The following CELF1 variants were observed in gnomAD, a reference collection of about 807,000 sequenced individuals.
CELF1 encodes the protein 50 kDa nuclear polyadenylated RNA-binding protein.
A neutral mutation model predicts 61.8 loss-of-function variants in CELF1; 10 were observed. That is an observed-to-expected ratio of 0.16 (90% CI 0.10 to 0.27). The LOEUF (loss-of-function observed/expected upper bound fraction) is 0.27, where lower values mean the gene tolerates loss of function less well. CELF1 is among the 10% of genes least tolerant of loss of function. The pLI, the probability that CELF1 is intolerant of heterozygous loss-of-function variation, is 1.00. For synonymous variants in CELF1, 236 were observed against 225.1 expected, an observed-to-expected ratio of 1.05 and a Z score of -0.43; for missense variants, 380 against 639.1, an observed-to-expected ratio of 0.59 and a Z score of 4.37.
intron 3 of CELF1, among the ~76,000 whole-genome samples, chr11:47,498,335 G>T (rs1263238156): frequency 6.6e-6 from 1 of 152,092 alleles, no homozygotes; most frequent in Non-Finnish European, 1.5e-5. Context: ...AGCCCAGGAG[G>T]TTGAGGCTAC....
intron 1 of CELF1, among the ~76,000 whole-genome samples, chr11:47,541,734 G>GA (rs1203205053): frequency 1.2e-3 from 10 of 8,210 alleles, no homozygotes; most frequent in African/African-American, 3.1e-3. Context: ...AAGAACGAAA[G>GA]AAAGAACGAA....
chr11:47,553,127 G>C lies in CELF1; in HGVS notation c.-289C>G, dbSNP rs1256318712. The C allele has an allele frequency of 5.0e-6, 2 of 396,722 alleles. No individual in the cohort carries two copies. The highest frequency in any genetic ancestry group is 8.9e-6 in the Non-Finnish European group (2 of 224,872). 24.6% of individuals were successfully genotyped at this position (396,722 alleles called of 1,614,324 possible). A position where few individuals can be genotyped will look rare whatever the true frequency, so the allele number is the denominator to read the frequency against. On this transcript the variant is annotated 5_prime_UTR_variant, in exon 1 of 15. Transcript: ENST00000687097. ...CGCCGCTGCCGCTGCCGCCAGAGCA[G>C]AACACCCCAAAATGGCGGCACTTCC...
rs572472444 is a variant in CELF1, at chr11:47,518,138, G to A, written c.-153-17206C>T. 2.6e-5 allele frequency among the ~76,000 whole-genome samples: 4 copies of A among 152,256 alleles called. No homozygotes were observed. In the South Asian group the frequency reaches 6.2e-4, roughly 24 times the overall value. Reference sequence around the variant, plus strand: ...ATACTCTTTTCCAAAACAGCATTTTGGTTTTGTATTTTTTTCCTGCTTTGC... The same window carrying A: ...ATACTCTTTTCCAAAACAGCATTTTAGTTTTGTATTTTTTTCCTGCTTTGC... On this transcript the variant is annotated intron_variant, in intron 1 of 14. Transcript: ENST00000687097.
chr11:47,492,717 G>C (rs911561305), intron 3 of CELF1, among the ~76,000 whole-genome samples: 1 of 152,120 alleles, frequency 6.6e-6, no homozygotes, highest in African/African-American at 2.4e-5. Flanking sequence ...GGGTGGCAGA[G>C]TGAGATCTTG....
At chr11:47,479,174 T>A (rs531321781) in intron 9 of CELF1, among the ~76,000 whole-genome samples, 2 of 151,628 alleles carry the variant, frequency 1.3e-5, no homozygotes, top group Non-Finnish European at 2.9e-5. Context: ...GTATGTTCAC[T>A]GAATACTGAG....
At chr11:47,542,733 C>T (rs58735276) in intron 1 of CELF1, among the ~76,000 whole-genome samples, 3 of 150,846 alleles carry the variant, frequency 2.0e-5, no homozygotes, top group Non-Finnish European at 4.4e-5. Flanking sequence ...TCTGGCCTCA[C>T]GTGATCCGCG....
chr11:47,492,097 C>T (rs2091752315), intron 3 of CELF1, among the ~76,000 whole-genome samples: 1 of 152,202 alleles, frequency 6.6e-6, no homozygotes, highest in South Asian at 2.1e-4. Context: ...CCTACCTCAG[C>T]AATCCCAGTA....
chr11:47,563,847 C>T (rs2097234699), intron 2 of CELF1, among the ~76,000 whole-genome samples: 1 of 151,796 alleles, frequency 6.6e-6, no homozygotes, highest in African/African-American at 2.4e-5. Context: ...ATGGTGAAAC[C>T]CTGTCTCTAC....
chr11:47,527,582 CTTCATTGTATATACTGGCTTA>C (rs2096291516), intron 1 of CELF1, among the ~76,000 whole-genome samples: 1 of 152,082 alleles, frequency 6.6e-6, no homozygotes, highest in Non-Finnish European at 1.5e-5. Context: ...AATTAAGCCT[CTTCATTGTATATACTGGCTTA>C]TTCATTGTAT....
At chr11:47,541,946 C>T (rs1308366657) in intron 1 of CELF1, among the ~76,000 whole-genome samples, 1 of 151,940 alleles carries the variant, frequency 6.6e-6, no homozygotes, top group African/African-American at 2.4e-5. Flanking sequence ...GACATTCCCC[C>T]CCAAAACACA....
chr11:47,487,188 C>T lies in CELF1; in HGVS notation c.313G>A (p.Ala105Thr), dbSNP rs1289715080. 6.2e-7 allele frequency: 1 copy of T among 1,612,486 alleles called. No homozygotes were observed. Among genetic ancestry groups the T allele is most frequent in the African/African-American group, 1.3e-5 (1 of 75,056 alleles). Residue 105 changes from alanine (A) to threonine (T), a missense_variant, in exon 5 of 15, where the codon GCT becomes ACT. Transcript: ENST00000687097. ...GGGAGGACTTTCATGTTGTGAAGAG[C>T]ATTCTGAGCTTCTAATGCAGCTTTA... ...TRKAALEAQN[A>T]LHNMKVLPGM...
chr11:47,540,885 A>AAACAACAAC (rs138263192), intron 1 of CELF1, among the ~76,000 whole-genome samples: 2 of 151,106 alleles, frequency 1.3e-5, no homozygotes, highest in South Asian at 2.1e-4. Flanking sequence ...ACTCCATCTC[A>AAACAACAAC]AACAACAACA....
At chr11:47,504,379 C>T (rs1057459135) in intron 1 of CELF1, among the ~76,000 whole-genome samples, 3 of 150,608 alleles carry the variant, frequency 2.0e-5, no homozygotes, top group African/African-American at 7.3e-5. Flanking sequence ...TGAGCTCAGG[C>T]AAGACTAGCC....
Position 47,469,850 on chromosome 11 carries a change from C to T in CELF1, c.*2380G>A, listed in dbSNP as rs1254580569. ...AAAGGGGTTTCATAAGGTCCCAGAG[C>T]CCAGGACAAATCCATGGACAAATAA... On this transcript the variant is annotated 3_prime_UTR_variant, in exon 15 of 15. Transcript: ENST00000687097. 1.3e-5 allele frequency: 2 copies of T among 152,196 alleles called. No individual in the cohort carries two copies. Among genetic ancestry groups the T allele is most frequent in the Non-Finnish European group, 2.9e-5 (2 of 68,076 alleles). The allele number at this position is 152,196 out of a possible 1,614,324, so 9.4% of individuals were successfully genotyped here.
rs2096867960 is a variant in CELF1, at chr11:47,543,785, G to A, written c.-154+9207C>T. 2.0e-5 allele frequency among the ~76,000 whole-genome samples: 3 copies of A among 152,088 alleles called. No homozygotes were observed. In the South Asian group the frequency reaches 6.2e-4, roughly 32 times the overall value. ...CTAAAAAAAAAAGAAAGCTGTTTTCGGCAAATAAGGACTCTTGATACAATA... is the reference window on the plus strand; with the variant it reads ...CTAAAAAAAAAAGAAAGCTGTTTTCAGCAAATAAGGACTCTTGATACAATA... On this transcript the variant is annotated intron_variant, in intron 1 of 14. Coordinates refer to ENST00000687097, the MANE Select transcript of CELF1 (RefSeq NM_001376376.1).
At chr11:47,541,804 A>G (rs1444509596) in intron 1 of CELF1, among the ~76,000 whole-genome samples, 1 of 141,182 alleles carries the variant, frequency 7.1e-6, no homozygotes, top group African/African-American at 2.6e-5. Context: ...GAAAGAAAGA[A>G]AGAAAGAAAG....
intron 1 of CELF1, among the ~76,000 whole-genome samples, chr11:47,542,929 T>TC (rs2096846027): frequency 6.6e-6 from 1 of 151,968 alleles, no homozygotes; most frequent in Admixed American, 6.6e-5. Flanking sequence ...GGACAGGTGT[T>TC]CAAGACTAGG....
In CELF1 at chr11:47,491,934, G is replaced by A. The variant is rs560838171; in HGVS notation, c.72-2910C>T. On this transcript the variant is annotated intron_variant, in intron 3 of 14. Coordinates refer to ENST00000687097, the MANE Select transcript of CELF1 (RefSeq NM_001376376.1). ...GCACAAAAACAGCACCCAAATTTAA[G>A]AGCAGCTATTATCTCCTATGATTAT... Among the ~76,000 whole-genome samples the A allele has an allele frequency of 1.2e-4, 19 of 152,312 alleles. No individual in the cohort carries two copies. The East Asian group carries it at 3.5e-3, about 28-fold the overall frequency.
At chr11:47,565,025 C>A (rs2097240310) in intron 1 of CELF1, among the ~76,000 whole-genome samples, 1 of 152,106 alleles carries the variant, frequency 6.6e-6, no homozygotes. Flanking sequence ...AACCCAGGAC[C>A]CCTGTTCACC....
Sources: gnomAD v4.1 joint callset for allele counts (sites outside exome capture counted in the v4.1 genomes callset) on GRCh38, gnomAD v4.1.1 for gene constraint, MANE v1.5 for transcripts, NCBI Gene and HGNC (gene_info 2026-07-23, HGNC 2026-07-21) for gene names.